The following PTPN11 variants were observed in gnomAD, a reference collection of about 807,000 sequenced individuals.
The protein encoded by PTPN11 is protein tyrosine phosphatase non-receptor type 11.
A neutral mutation model predicts 78.8 loss-of-function variants in PTPN11; 6 were observed. That is an observed-to-expected ratio of 0.08 (90% CI 0.04 to 0.15). The LOEUF is 0.15. PTPN11 is among the 10% of genes least tolerant of loss of function. The probability of loss-of-function intolerance (pLI) is 1.00; values close to 1 mark genes in which losing one functional copy is unlikely to be tolerated. For missense variants in PTPN11, 386 were observed against 744.8 expected (o/e 0.52, Z 5.61); for synonymous variants, 221 against 263.5 (o/e 0.84, Z 1.56).
In PTPN11 at chr12:112,450,420, T is replaced by C. The variant is rs2135862472; in HGVS notation, c.240T>C (p.Tyr80=). 1 of 1,613,736 alleles carries C rather than the reference T, an allele frequency of 6.2e-7. No individual in the cohort carries two copies. The highest frequency in any genetic ancestry group is 8.5e-7 in the Non-Finnish European group (1 of 1,179,656). Residue 80 remains tyrosine, a synonymous_variant, in exon 3 of 16, where the codon TAT becomes TAC. Coordinates refer to ENST00000351677, the MANE Select transcript of PTPN11 (RefSeq NM_002834.5). Reference sequence around the variant, plus strand: ...CCACTTTGGCTGAGTTGGTCCAGTATTACATGGAACATCACGGGCAATTAA... The same window carrying C: ...CCACTTTGGCTGAGTTGGTCCAGTACTACATGGAACATCACGGGCAATTAA... The part of the protein sequence containing the change: ...KFATLAELVQ[Y]YMEHHGQLKE...
At chr12:112,440,923 T>C (rs888375609) in intron 1 of PTPN11, among the ~76,000 whole-genome samples, 2 of 151,526 alleles carry the variant, frequency 1.3e-5, no homozygotes, top group Admixed American at 1.3e-4. Context: ...AAATGAATAT[T>C]TCATTATTTT....
chr12:112,426,779 G>C (rs1163564955), intron 1 of PTPN11, among the ~76,000 whole-genome samples: 1 of 152,002 alleles, frequency 6.6e-6, no homozygotes, highest in African/African-American at 2.4e-5. Flanking sequence ...GTACCTACCT[G>C]GGCTGTGTGA....
chr12:112,467,555 C>T (rs552914657), intron 6 of PTPN11, among the ~76,000 whole-genome samples: 38 of 152,186 alleles, frequency 2.5e-4, no homozygotes, highest in African/African-American at 7.9e-4. Context: ...AGTGCAGTGG[C>T]GTGATCTCAG....
intron 1 of PTPN11, among the ~76,000 whole-genome samples, chr12:112,444,670 G>C (rs999936421): frequency 2.6e-5 from 4 of 151,972 alleles, no homozygotes; most frequent in African/African-American, 9.7e-5. Flanking sequence ...CAAACAATTA[G>C]TTAAAAAAAT....
intron 1 of PTPN11, among the ~76,000 whole-genome samples, chr12:112,427,760 TA>T (rs1378999184): frequency 2.6e-5 from 4 of 151,764 alleles, no homozygotes; most frequent in Non-Finnish European, 5.9e-5. Context: ...TTTATTTATT[TA>T]TTTTTTTTGA....
rs142264418 is a variant in PTPN11 at position 112,482,007 on chromosome 12, G to A, written c.1093-67G>A. ...TTAAGCAAGACTTGAACATTTGTTT[G>A]TTGCTTGTTTAGGCTTTTATTTCAG... On this transcript the variant is annotated intron_variant, in intron 9 of 15. Transcript: ENST00000351677. The surrounding 1 kb of genome is among the most constrained non-coding windows in gnomAD (Gnocchi z 4.4). 7.2e-5 allele frequency: 106 copies of A among 1,479,648 alleles called. 1 individual carries two copies. In the African/African-American group the frequency reaches 1.2e-3, roughly 17 times the overall value. 91.7% of individuals were successfully genotyped at this position (1,479,648 alleles called of 1,614,324 possible).
At chr12:112,484,450 G>C (rs2038643761) in intron 10 of PTPN11, among the ~76,000 whole-genome samples, 1 of 152,188 alleles carries the variant, frequency 6.6e-6, no homozygotes, top group South Asian at 2.1e-4. Flanking sequence ...GGTAGAGAGA[G>C]ACTGTCCCCA....
chr12:112,491,343 G>C (rs2135919201), intron 13 of PTPN11, among the ~76,000 whole-genome samples: 1 of 149,864 alleles, frequency 6.7e-6, no homozygotes, highest in Non-Finnish European at 1.5e-5. Context: ...TTTCCTGACT[G>C]TTAACTTTTT....
At chr12:112,502,961 G>A (rs1684374131) in intron 14 of PTPN11, among the ~76,000 whole-genome samples, 2 of 152,280 alleles carry the variant, frequency 1.3e-5, no homozygotes, top group South Asian at 2.1e-4. Flanking sequence ...GACCACTAAT[G>A]TGTCAGCCCA....
At chr12:112,422,724 G>A (rs1423780459) in intron 1 of PTPN11, among the ~76,000 whole-genome samples, 1 of 152,110 alleles carries the variant, frequency 6.6e-6, no homozygotes, top group East Asian at 1.9e-4. Context: ...TTAACGTTAG[G>A]TCCTGATGTA....
Position 112,453,191 on chromosome 12 carries a change from T to C in PTPN11, c.333-4T>C, listed in dbSNP as rs1555267812. 2 of 1,610,782 alleles carry C rather than the reference T, an allele frequency of 1.2e-6. No individual in the cohort carries two copies. Among genetic ancestry groups the C allele is most frequent in the South Asian group, 2.2e-5 (2 of 90,930 alleles). On this transcript the variant is annotated splice_polypyrimidine_tract_variant and splice_region_variant and intron_variant, in intron 3 of 15. Coordinates refer to ENST00000351677, the MANE Select transcript of PTPN11 (RefSeq NM_002834.5). ...AATTCTTTTTTATTTTTTAAAAACT[T>C]TAGGTGGTTTCATGGACATCTCTCT...
intron 1 of PTPN11, among the ~76,000 whole-genome samples, chr12:112,441,373 C>T (rs530792310): frequency 3.3e-5 from 5 of 152,048 alleles, no homozygotes; most frequent in Admixed American, 6.6e-5. Context: ...GCAATCCTCC[C>T]ACCTTAGCCT....
chr12:112,486,741 T>C (rs961658764), intron 11 of PTPN11, 112 bp downstream of exon 11: 15 of 1,537,294 alleles, frequency 9.8e-6, no homozygotes, highest in Non-Finnish European at 7.9e-6. Flanking sequence ...GAATTTAATA[T>C]CTGTTTGAGG....
intron 1 of PTPN11, among the ~76,000 whole-genome samples, chr12:112,442,391 A>C (rs2037907294): frequency 6.6e-6 from 1 of 152,076 alleles, no homozygotes; most frequent in Non-Finnish European, 1.5e-5. Context: ...CAAATCTGAA[A>C]TATCTGAAAT....
At chr12:112,456,458 CTTTT>C (rs11320404) in intron 6 of PTPN11, among the ~76,000 whole-genome samples, 4 of 124,578 alleles carry the variant, frequency 3.2e-5, no homozygotes, top group Non-Finnish European at 1.7e-5. Flanking sequence ...CTTGTGGTGG[CTTTT>C]TTTTTTTTTT....
chr12:112,469,858 A>T (rs2038386650), intron 6 of PTPN11, among the ~76,000 whole-genome samples: 1 of 151,904 alleles, frequency 6.6e-6, no homozygotes, highest in African/African-American at 2.4e-5. Flanking sequence ...GGAGAAAAAG[A>T]GGAGTTCAGT....
chr12:112,426,219 C>T (rs771751881), intron 1 of PTPN11, among the ~76,000 whole-genome samples: 7 of 152,124 alleles, frequency 4.6e-5, no homozygotes, highest in Admixed American at 2.6e-4. Context: ...ATTCAGATTT[C>T]GGGTGTGATT....
intron 12 of PTPN11, 108 bp downstream of exon 12, chr12:112,488,618 C>T: frequency 8.5e-7 from 1 of 1,181,420 alleles, no homozygotes; most frequent in Non-Finnish European, 1.3e-6. Flanking sequence ...AAAATTCTTT[C>T]ACAAAAATCT....
intron 13 of PTPN11, among the ~76,000 whole-genome samples, chr12:112,492,986 T>C (rs75913981): frequency 0.012 from 1,827 of 152,200 alleles, 41 homozygotes; most frequent in African/African-American, 0.042. Flanking sequence ...GTGTACACCA[T>C]GATATTTTGA....
Sources: allele counts gnomAD v4.1 joint callset (sites outside exome capture counted in the v4.1 genomes callset), GRCh38; gene constraint gnomAD v4.1.1; non-coding constraint Gnocchi (gnomAD v3.1); transcripts MANE v1.5; gene names NCBI Gene and HGNC (gene_info 2026-07-23, HGNC 2026-07-21).